Variants in HPCAL4 observed in about 807,000 individuals in gnomAD.
The protein encoded by HPCAL4 is hippocalcin like 4, also known as hippocalcin-like protein 4.
HPCAL4 carries 16 observed loss-of-function variants against 18.2 expected under a neutral mutation model. The ratio of observed to expected loss-of-function variants is 0.88; its 90% confidence interval spans 0.59 to 1.33. The LOEUF is 1.33. Among genes scored for constraint, HPCAL4 ranks in the 40% most tolerant of loss-of-function variants. The probability of loss-of-function intolerance (pLI) is 0.00; values close to 1 mark genes in which losing one functional copy is unlikely to be tolerated. For missense variants in HPCAL4, 214 were observed against 256.6 expected, an observed-to-expected ratio of 0.83 and a Z score of 1.14; for synonymous variants, 80 against 97.5, an observed-to-expected ratio of 0.82 and a Z score of 1.06.
intron 1 of HPCAL4, among the ~76,000 whole-genome samples, chr1:39,689,068 T>C (rs1355512788): frequency 6.6e-6 from 1 of 152,226 alleles, no homozygotes; most frequent in Non-Finnish European, 1.5e-5. Flanking sequence ...CAGACCTTTT[T>C]GCTCAATGGC....
rs1570469348 is a variant in HPCAL4, at chr1:39,679,883, G to A, written c.*2653C>T. On this transcript the variant is annotated 3_prime_UTR_variant, in exon 4 of 4. Coordinates refer to ENST00000372844, the MANE Select transcript of HPCAL4 (RefSeq NM_016257.4). ...GAGCAAAAATCACCCATGGGTATGTGTGTCCAGAAGCCTGGAGTAATCAAA... is the reference window on the plus strand; with the variant it reads ...GAGCAAAAATCACCCATGGGTATGTATGTCCAGAAGCCTGGAGTAATCAAA... 1 of 152,572 alleles carries A rather than the reference G, an allele frequency of 6.6e-6. No individual in the cohort carries two copies. The highest frequency in any genetic ancestry group is 1.9e-4 in the East Asian group (1 of 5,190). The allele number at this position is 152,572 out of a possible 1,614,324, so 9.5% of individuals were successfully genotyped here.
Position 39,684,140 on chromosome 1 carries a change from C to A in HPCAL4, c.175G>T (p.Gly59Cys), listed in dbSNP as rs367877386. ...QQLYIKFFPY[G>C]DASKFAQHAF... The stretch of plus-strand genomic sequence containing the variant: ...TGCTGCGCGAACTTGGAGGCGTCGC[C>A]GTAGGGGAAGAACTGAGGGGGGTGC... The change falls in exon 3 of 4, where the codon GGC becomes TGC. Residue 59 changes from glycine (G) to cysteine (C), a missense_variant. Coordinates refer to ENST00000372844, the MANE Select transcript of HPCAL4 (RefSeq NM_016257.4). 2 of 1,611,700 alleles carry A rather than the reference C, an allele frequency of 1.2e-6. No homozygotes were observed. The highest frequency in any genetic ancestry group is 1.7e-6 in the Non-Finnish European group (2 of 1,178,938).
Position 39,684,021 on chromosome 1 carries a change from C to A in HPCAL4, c.294G>T (p.Glu98Asp). 1.2e-6 allele frequency: 2 copies of A among 1,614,054 alleles called. No homozygotes were observed. Among genetic ancestry groups the A allele is most frequent in the Non-Finnish European group, 1.7e-6 (2 of 1,179,934 alleles). Residue 98 changes from glutamate (E) to aspartate (D), a missense_variant, in exon 3 of 4, where the codon GAG becomes GAT. Glu to Asp is a conservative substitution (Grantham distance 45). Coordinates refer to ENST00000372844, the MANE Select transcript of HPCAL4 (RefSeq NM_016257.4). ...ALSVTSRGSF[E>D]QKLNWAFEMY... ...TCTCAAAGGCCCAGTTGAGCTTCTGCTCGAAGCTGCCGCGGGAGGTGACCG... is the reference window on the plus strand; with the variant it reads ...TCTCAAAGGCCCAGTTGAGCTTCTGATCGAAGCTGCCGCGGGAGGTGACCG...
Position 39,683,917 on chromosome 1 carries a change from G to A in HPCAL4, c.378+20C>T. 1 of 1,606,712 alleles carries A rather than the reference G, an allele frequency of 6.2e-7. No homozygotes were observed. The highest frequency in any genetic ancestry group is 8.5e-7 in the Non-Finnish European group (1 of 1,175,992). On this transcript the variant is annotated intron_variant, in intron 3 of 3. Coordinates refer to ENST00000372844, the MANE Select transcript of HPCAL4 (RefSeq NM_016257.4). ...CGAAGCGCTGGCCTCGGGAACAGCA[G>A]CGCCCGCGCGGCCCCGCACCTCGAT...
chr1:39,678,874 C>G lies in HPCAL4; in HGVS notation c.*3662G>C, dbSNP rs972920479. The stretch of plus-strand genomic sequence containing the variant: ...GGCCCTGGGCCTGACTGGCCTCCAC[C>G]AAGCAGGAAGGGCTATACACCCTGG... On this transcript the variant is annotated 3_prime_UTR_variant, in exon 4 of 4. Coordinates refer to ENST00000372844, the MANE Select transcript of HPCAL4 (RefSeq NM_016257.4). 6.6e-6 allele frequency: 1 copy of G among 152,152 alleles called. No individual in the cohort carries two copies. Among genetic ancestry groups the G allele is most frequent in the Admixed American group, 6.5e-5 (1 of 15,282 alleles). 9.4% of individuals were successfully genotyped at this position (152,152 alleles called of 1,614,324 possible). A position where few individuals can be genotyped will look rare whatever the true frequency, so the allele number is the denominator to read the frequency against.
intron 1 of HPCAL4, among the ~76,000 whole-genome samples, chr1:39,686,734 T>G (rs1471238820): frequency 2.6e-5 from 4 of 152,132 alleles, no homozygotes; most frequent in Non-Finnish European, 5.9e-5. Context: ...TCAGGAAGTG[T>G]GGCCAGACCT....
intron 1 of HPCAL4, among the ~76,000 whole-genome samples, chr1:39,685,342 C>A (rs1395244391): frequency 6.6e-6 from 1 of 152,130 alleles, no homozygotes; most frequent in African/African-American, 2.4e-5. Context: ...AAAACAAGGG[C>A]TGGGAAGATT....
chr1:39,689,740 G>A (rs983033385), intron 1 of HPCAL4, among the ~76,000 whole-genome samples: 38 of 152,176 alleles, frequency 2.5e-4, no homozygotes, highest in African/African-American at 9.2e-4. Context: ...ATGGAGAGGT[G>A]GCTGAGGCTT....
intron 3 of HPCAL4, 83 bp downstream of exon 3, chr1:39,683,854 G>T: frequency 7.8e-7 from 1 of 1,288,134 alleles, no homozygotes; most frequent in Non-Finnish European, 1.1e-6. Context: ...GGGAGGCCCC[G>T]AAGCCCGAGA....
intron 3 of HPCAL4, 97 bp from the exon 4 acceptor site, chr1:39,682,830 T>C: frequency 2.3e-6 from 2 of 867,780 alleles, no homozygotes; most frequent in South Asian, 2.8e-5. Flanking sequence ...ACACTGGGGG[T>C]TGGTGAGGAT....
chr1:39,682,592 C>A lies in HPCAL4; in HGVS notation c.520G>T (p.Ala174Ser). The change falls in exon 4 of 4, where the codon GCA (alanine) becomes TCA (serine). Residue 174 changes from alanine to serine, a missense_variant. By Grantham distance (99) the Ala-to-Ser change is moderately conservative (BLOSUM62 1). Coordinates refer to ENST00000372844, the MANE Select transcript of HPCAL4 (RefSeq NM_016257.4). Reference protein sequence around the residue: ...DQITLEEFKEAAKSDPSIVLL... With the variant: ...DQITLEEFKESAKSDPSIVLL... ...ACAATGGATGGGTCACTCTTGGCTG[C>A]CTCCTTGAACTCCTCCAATGTAATC... 1.2e-6 allele frequency: 2 copies of A among 1,614,258 alleles called. No individual in the cohort carries two copies. The highest frequency in any genetic ancestry group is 1.7e-6 in the Non-Finnish European group (2 of 1,180,042).
At chr1:39,684,289 C>A in intron 2 of HPCAL4, 137 bp from the exon 3 acceptor site, 14 of 821,048 alleles carry the variant, frequency 1.7e-5, no homozygotes, top group Non-Finnish European at 2.0e-5. Flanking sequence ...CCGGGTGCCT[C>A]ACCTCCCCCG....
At chr1:39,684,662 C>G in intron 1 of HPCAL4, 51 bp from the exon 2 acceptor site, 1 of 1,453,950 alleles carries the variant, frequency 6.9e-7, no homozygotes, top group East Asian at 2.5e-5. Flanking sequence ...GGCCCTGCCT[C>G]AGCCACAGCT....
intron 1 of HPCAL4, among the ~76,000 whole-genome samples, chr1:39,689,007 T>G (rs1195328864): frequency 6.6e-6 from 1 of 152,142 alleles, no homozygotes. Flanking sequence ...CAGTCTGATT[T>G]GAGACAGGTC....
At chr1:39,683,121 T>C (rs957754807) in intron 3 of HPCAL4, among the ~76,000 whole-genome samples, 1 of 152,180 alleles carries the variant, frequency 6.6e-6, no homozygotes, top group Non-Finnish European at 1.5e-5. Flanking sequence ...TTACCTCAGG[T>C]AATCCACCGG....
chr1:39,687,028 C>A (rs931740296), intron 1 of HPCAL4, among the ~76,000 whole-genome samples: 1 of 152,224 alleles, frequency 6.6e-6, no homozygotes, highest in Non-Finnish European at 1.5e-5. Flanking sequence ...TTGGTCCATT[C>A]CTTCCCACTC....
At chr1:39,684,696 G>A in intron 1 of HPCAL4, 85 bp from the exon 2 acceptor site, 1 of 1,285,006 alleles carries the variant, frequency 7.8e-7, no homozygotes, top group African/African-American at 1.5e-5. Context: ...CCACACACAG[G>A]GCGGGGTTGC....
intron 1 of HPCAL4, among the ~76,000 whole-genome samples, chr1:39,688,259 C>T (rs752918559): frequency 6.6e-6 from 1 of 152,222 alleles, no homozygotes; most frequent in Non-Finnish European, 1.5e-5. Context: ...TCCACCAGCA[C>T]CTCTGAGACA....
Position 39,684,033 on chromosome 1 carries a change from G to C in HPCAL4, c.282C>G (p.Arg94=). 6.2e-7 allele frequency: 1 copy of C among 1,614,044 alleles called. No individual in the cohort carries two copies. The change falls in exon 3 of 4, where the codon CGC becomes CGG. Residue 94 remains arginine (R), a synonymous_variant. Transcript: ENST00000372844. Reference sequence around the variant, plus strand: ...AGTTGAGCTTCTGCTCGAAGCTGCCGCGGGAGGTGACCGACAGGGCGCAGA... The same window carrying C: ...AGTTGAGCTTCTGCTCGAAGCTGCCCCGGGAGGTGACCGACAGGGCGCAGA... ...EFICALSVTS[R]GSFEQKLNWA...
Sources: allele counts gnomAD v4.1 joint callset (sites outside exome capture counted in the v4.1 genomes callset), GRCh38; gene constraint gnomAD v4.1.1; transcripts MANE v1.5; gene names NCBI Gene and HGNC (gene_info 2026-07-23, HGNC 2026-07-21).